RFC1: variants seen among roughly 807,000 people sequenced by gnomAD.
RFC1 encodes the protein A1 140 kDa subunit.
Under a neutral mutation model 137.4 loss-of-function variants are expected in RFC1, and 37 were observed. The observed-to-expected ratio is 0.27, with a 90% CI of 0.21 to 0.35. RFC1 has a LOEUF of 0.35. Among genes scored for constraint, RFC1 ranks in the 10% least tolerant of loss-of-function variants. RFC1 has a pLI of 1.00. For synonymous variants in RFC1, 429 were observed against 455.7 expected, an observed-to-expected ratio of 0.94 and a Z score of 0.75; for missense variants, 1,205 against 1,358.5, an observed-to-expected ratio of 0.89 and a Z score of 1.78.
intron 13 of RFC1, among the ~76,000 whole-genome samples, chr4:39,307,205 T>G (rs890852345): frequency 6.6e-6 from 1 of 152,194 alleles, no homozygotes; most frequent in Non-Finnish European, 1.5e-5. Context: ...ACAAGCATAG[T>G]AGCTACATGG....
intron 23 of RFC1, among the ~76,000 whole-genome samples, chr4:39,290,352 A>G (rs937610119): frequency 2.0e-5 from 3 of 147,068 alleles, no homozygotes; most frequent in African/African-American, 7.8e-5. Context: ...CAGGCTGGGT[A>G]ACAGAGTGAG....
In RFC1 at chr4:39,304,855, G is replaced by A; in HGVS notation, c.2069C>T (p.Ala690Val). 6.2e-7 allele frequency: 1 copy of A among 1,613,094 alleles called. No individual in the cohort carries two copies. Among genetic ancestry groups the A allele is most frequent in the Non-Finnish European group, 8.5e-7 (1 of 1,179,122 alleles). Residue 690 changes from alanine (A) to valine (V), a missense_variant, in exon 15 of 25, where the codon GCT (alanine) becomes GTT (valine). By Grantham distance (64) the Ala-to-Val change is moderately conservative. Around this residue, in one of 3 missense-constraint regions of RFC1, gnomAD observed 962 missense variants for 1,035.3 expected, o/e 0.93. Transcript: ENST00000349703. ...GATGCTGGTATTGTTCAGTGACTCA[G>A]CAACAATCGCCTTCAAACTGCTCTT... ...RSKSSLKAIV[A>V]ESLNNTSIKG...
At position 39,327,633 on chromosome 4, in the gene RFC1, T is replaced by C. The variant is rs376735975; in HGVS notation, c.455A>G (p.Asn152Ser). The C allele has an allele frequency of 4.3e-6, 7 of 1,613,772 alleles. No individual in the cohort carries two copies. The South Asian group carries it at 4.4e-5, about 10-fold the overall frequency. Residue 152 changes from asparagine (N) to serine (S), a missense_variant, in exon 5 of 25, where the codon AAT becomes AGT. By Grantham distance (46) the Asn-to-Ser change is conservative (BLOSUM62 1). Transcript: ENST00000349703. Reference sequence around the variant, plus strand: ...AAGTTTTATTGGTGATAAAGGCTTATTCTTGGTCTTAGTGTTTTCTTCATT... The same window carrying C: ...AAGTTTTATTGGTGATAAAGGCTTACTCTTGGTCTTAGTGTTTTCTTCATT... ...KKNEENTKTK[N>S]KPLSPIKLTP...
intron 2 of RFC1, among the ~76,000 whole-genome samples, chr4:39,346,714 A>G (rs1482364184): frequency 6.6e-6 from 1 of 152,210 alleles, no homozygotes; most frequent in Non-Finnish European, 1.5e-5. Flanking sequence ...ACAAATGAGC[A>G]ATTATAATTT....
intron 1 of RFC1, among the ~76,000 whole-genome samples, chr4:39,353,386 C>T (rs1023064122): frequency 1.2e-5 from 1 of 84,218 alleles, no homozygotes; most frequent in Non-Finnish European, 2.1e-5. Context: ...GGCGACAGAA[C>T]GAGACTGTCT....
At chr4:39,335,137 A>G (rs1740289319) in intron 4 of RFC1, among the ~76,000 whole-genome samples, 1 of 152,228 alleles carries the variant, frequency 6.6e-6, no homozygotes, top group Non-Finnish European at 1.5e-5. Context: ...TACGGGGATT[A>G]AAATAATTTA....
At position 39,296,988 on chromosome 4, in the gene RFC1, T is replaced by C. The variant is rs1323311579; in HGVS notation, c.2809-1229A>G. The stretch of plus-strand genomic sequence containing the variant: ...TATCTCATTGTGGTTTTGATTTGCA[T>C]TTCTCTGATGGCCAGTGATGATTAG... On this transcript the variant is annotated intron_variant, in intron 21 of 24. Transcript: ENST00000349703. Among the ~76,000 whole-genome samples the C allele has an allele frequency of 7.9e-5, 12 of 151,810 alleles. No individual in the cohort carries two copies. In the South Asian group the frequency reaches 2.5e-3, roughly 32 times the overall value.
Position 39,300,248 on chromosome 4 carries a change from C to A in RFC1, c.2690+12G>T. The A allele has an allele frequency of 6.2e-7, 1 of 1,614,126 alleles. No individual in the cohort carries two copies. The highest frequency in any genetic ancestry group is 8.5e-7 in the Non-Finnish European group (1 of 1,179,974). On this transcript the variant is annotated intron_variant, in intron 20 of 24. Transcript: ENST00000349703. Reference sequence around the variant, plus strand: ...ATACTAAGCACACCTCTCACCAGCTCTGGACACTCACCCTGCTGCTACAGG... The same window carrying A: ...ATACTAAGCACACCTCTCACCAGCTATGGACACTCACCCTGCTGCTACAGG...
chr4:39,347,693 A>G (rs1740924742), intron 2 of RFC1, among the ~76,000 whole-genome samples: 2 of 152,246 alleles, frequency 1.3e-5, no homozygotes, highest in African/African-American at 2.4e-5. Context: ...GTTAAATGTA[A>G]TAACAATGAG....
chr4:39,345,350 G>C, intron 3 of RFC1, 51 bp downstream of exon 3: 1 of 1,466,996 alleles, frequency 6.8e-7, no homozygotes, highest in East Asian at 2.3e-5. Context: ...ACTGTTCTAA[G>C]GGATATACAA....
At chr4:39,306,237 C>T (rs1738646282) in intron 14 of RFC1, among the ~76,000 whole-genome samples, 2 of 152,148 alleles carry the variant, frequency 1.3e-5, no homozygotes, top group South Asian at 4.1e-4. Flanking sequence ...GATGACAGTA[C>T]AGATAATTAT....
intron 2 of RFC1, among the ~76,000 whole-genome samples, chr4:39,351,065 A>G (rs1214637046): frequency 6.6e-6 from 1 of 151,920 alleles, no homozygotes; most frequent in Non-Finnish European, 1.5e-5. Flanking sequence ...CCTGGCTAAC[A>G]CGGTGAAACC....
chr4:39,288,713 TG>T lies in RFC1; in HGVS notation c.*47del, dbSNP rs781530567. On this transcript the variant is annotated 3_prime_UTR_variant, in exon 25 of 25. Transcript: ENST00000349703. ...AAGGCTTTCTCTAGACCAGCTGGAC[TG>T]GTCAGGAGGGAGAGTAAAAAGTGGC... 83 of 1,180,674 alleles carry T rather than the reference TG, an allele frequency of 7.0e-5. No homozygotes were observed. The highest frequency in any genetic ancestry group is 1.0e-4 in the Non-Finnish European group (80 of 796,076). 73.1% of individuals were successfully genotyped at this position (1,180,674 alleles called of 1,614,324 possible).
intron 12 of RFC1, 36 bp from the exon 13 acceptor site, chr4:39,309,068 G>C (rs1347088327): frequency 6.4e-7 from 1 of 1,552,046 alleles, no homozygotes. Context: ...AAAGAAACCT[G>C]ATGAAACATA....
At chr4:39,358,063 T>C (rs1741570821) in intron 1 of RFC1, among the ~76,000 whole-genome samples, 1 of 151,732 alleles carries the variant, frequency 6.6e-6, no homozygotes, top group African/African-American at 2.4e-5. Flanking sequence ...TCACCTGAGG[T>C]TGGGAGTTCG....
At chr4:39,353,264 G>A (rs553307774) in intron 1 of RFC1, among the ~76,000 whole-genome samples, 74 of 151,860 alleles carry the variant, frequency 4.9e-4, no homozygotes, top group African/African-American at 1.5e-3. Flanking sequence ...AGCCAGGCAC[G>A]GTGGTGCATG....
chr4:39,351,022 G>A (rs1242696279), intron 2 of RFC1, among the ~76,000 whole-genome samples: 4 of 151,902 alleles, frequency 2.6e-5, no homozygotes, highest in African/African-American at 4.8e-5. Flanking sequence ...AGGCCAAGGC[G>A]GGCAGATCAC....
At chr4:39,343,372 G>A (rs1740698004) in intron 3 of RFC1, among the ~76,000 whole-genome samples, 1 of 152,080 alleles carries the variant, frequency 6.6e-6, no homozygotes, top group Admixed American at 6.6e-5. Context: ...AACACCATCT[G>A]TAACTTTTAC....
intron 15 of RFC1, 147 bp from the exon 16 acceptor site, chr4:39,303,298 GAAAAAAAA>G (rs756287750): frequency 4.9e-6 from 2 of 406,636 alleles, no homozygotes; most frequent in Non-Finnish European, 8.7e-6. Flanking sequence ...TGTTGTTAAA[GAAAAAAAA>G]AAAAAAAGAA....
Sources: gnomAD v4.1 joint callset for allele counts (sites outside exome capture counted in the v4.1 genomes callset) on GRCh38, gnomAD v4.1.1 for gene constraint, gnomAD v4.1.1 regional missense constraint, MANE v1.5 for transcripts, NCBI Gene and HGNC (gene_info 2026-07-23, HGNC 2026-07-21) for gene names.